BRINP1: variants seen among roughly 807,000 people sequenced by gnomAD.
BRINP1 encodes BMP/retinoic acid inducible neural specific 1, also known as BMP/retinoic acid-inducible neural-specific protein 1.
Under a neutral mutation model 72.9 loss-of-function variants are expected in BRINP1, and 17 were observed. That is an observed-to-expected ratio of 0.23 (90% CI 0.16 to 0.35). The LOEUF is 0.35. Ranked by LOEUF, BRINP1 falls within the 10% of genes least tolerant of loss-of-function variation. The pLI, the probability that BRINP1 is intolerant of heterozygous loss-of-function variation, is 1.00. For synonymous variants in BRINP1, 418 were observed against 378.5 expected, an observed-to-expected ratio of 1.10 and a Z score of -1.21; for missense variants, 850 against 1,001.6, an observed-to-expected ratio of 0.85 and a Z score of 2.04.
At chr9:119,297,876 A>G (rs1242396708) in intron 2 of BRINP1, among the ~76,000 whole-genome samples, 4 of 152,214 alleles carry the variant, frequency 2.6e-5, no homozygotes, top group Non-Finnish European at 5.9e-5. Flanking sequence ...CAGAGAAAGA[A>G]CTTTGTTCTG....
Position 119,307,701 on chromosome 9 carries a change from T to G in BRINP1, c.218+5437A>C, listed in dbSNP as rs529373574. On this transcript the variant is annotated intron_variant, in intron 2 of 7. Transcript: ENST00000265922. The stretch of plus-strand genomic sequence containing the variant: ...AGAAGCAATACGCAAGCTGTCAAAT[T>G]TAAGCAGAGCCCACAATTCCCTGAG... 2.9e-4 allele frequency among the ~76,000 whole-genome samples: 44 copies of G among 152,296 alleles called. No individual in the cohort carries two copies. The South Asian group carries it at 3.1e-3, about 11-fold the overall frequency.
intron 1 of BRINP1, among the ~76,000 whole-genome samples, chr9:119,330,859 C>T (rs1323929143): frequency 1.3e-5 from 2 of 152,006 alleles, no homozygotes; most frequent in African/African-American, 4.8e-5. Context: ...AACCCCATCT[C>T]TACTAAAAAT....
At chr9:119,302,625 C>T (rs141570265) in intron 2 of BRINP1, among the ~76,000 whole-genome samples, 4 of 152,178 alleles carry the variant, frequency 2.6e-5, no homozygotes, top group South Asian at 2.1e-4. Context: ...ATGACCTGAC[C>T]TCACTATTGA....
In BRINP1 at chr9:119,361,645, G is replaced by A. The variant is rs1010993259; in HGVS notation, c.-51+7411C>T. On this transcript the variant is annotated intron_variant, in intron 1 of 7. Coordinates refer to ENST00000265922, the MANE Select transcript of BRINP1 (RefSeq NM_014618.3). ...CTTTTTTTTGTTTTTTTTTCAGACA[G>A]AGCCTCACTCTGTCACCCAGGCTGG... Among the ~76,000 whole-genome samples the A allele has an allele frequency of 4.6e-4, 69 of 151,292 alleles. 1 individual carries two copies. The highest frequency in any genetic ancestry group is 1.8e-4 in the Non-Finnish European group (12 of 67,912).
At chr9:119,349,208 T>C (rs963471000) in intron 1 of BRINP1, among the ~76,000 whole-genome samples, 7 of 152,154 alleles carry the variant, frequency 4.6e-5, no homozygotes, top group African/African-American at 1.4e-4. Flanking sequence ...GTTGGTTCCA[T>C]TGTAAGGGAG....
At chr9:119,244,660 T>C (rs1830295743) in intron 3 of BRINP1, among the ~76,000 whole-genome samples, 1 of 152,218 alleles carries the variant, frequency 6.6e-6, no homozygotes, top group Admixed American at 6.5e-5. Flanking sequence ...CGGTTCCCTC[T>C]GGACTGAGAA....
chr9:119,308,169 G>C (rs1272467058), intron 2 of BRINP1, among the ~76,000 whole-genome samples: 1 of 151,972 alleles, frequency 6.6e-6, no homozygotes, highest in Non-Finnish European at 1.5e-5. Context: ...AAAATAAATG[G>C]GTGTTCTTTT....
At chr9:119,258,852 A>G (rs1830470671) in intron 2 of BRINP1, among the ~76,000 whole-genome samples, 1 of 152,212 alleles carries the variant, frequency 6.6e-6, no homozygotes, top group Non-Finnish European at 1.5e-5. Flanking sequence ...TCACAAGTGG[A>G]GGAAACCAAG....
intron 4 of BRINP1, among the ~76,000 whole-genome samples, chr9:119,240,811 A>T (rs951808015): frequency 6.6e-6 from 1 of 152,202 alleles, no homozygotes; most frequent in Non-Finnish European, 1.5e-5. Context: ...GCAGGGTAAG[A>T]CCCCTTGGCC....
At position 119,167,343 on chromosome 9, in the gene BRINP1, A is replaced by G; in HGVS notation, c.2027T>C (p.Val676Ala). The change falls in exon 8 of 8, where the codon GTC (valine) becomes GCC (alanine). Residue 676 changes from valine to alanine, a missense_variant. Coordinates refer to ENST00000265922, the MANE Select transcript of BRINP1 (RefSeq NM_014618.3). This position sits in a 1 kb window ranked among gnomAD's most constrained non-coding sequence, Gnocchi z 4.3. The stretch of plus-strand genomic sequence containing the variant: ...GCCGCCCTGTGTGTAGGACTGGTTG[A>G]CCTGCTGCACTGCACTGCGCAGGAG... ...ADLLRSAVQQ[V>A]NQSYTQGGQF... is the part of the protein sequence containing the mutation. 3.1e-6 allele frequency: 5 copies of G among 1,614,082 alleles called. No individual in the cohort carries two copies. Among genetic ancestry groups the G allele is most frequent in the Non-Finnish European group, 4.2e-6 (5 of 1,180,012 alleles).
chr9:119,284,958 C>T (rs1019674030), intron 2 of BRINP1, among the ~76,000 whole-genome samples: 2 of 152,074 alleles, frequency 1.3e-5, no homozygotes, highest in South Asian at 4.1e-4. Context: ...ATAGATCAGC[C>T]AAGATTAACT....
intron 5 of BRINP1, among the ~76,000 whole-genome samples, chr9:119,220,285 T>C (rs959037399): frequency 1.3e-5 from 2 of 152,108 alleles, no homozygotes; most frequent in African/African-American, 4.8e-5. Context: ...AAGTTGGATC[T>C]CTGGAGACCT....
At chr9:119,226,988 A>C (rs112733194) in intron 5 of BRINP1, among the ~76,000 whole-genome samples, 1 of 152,038 alleles carries the variant, frequency 6.6e-6, no homozygotes, top group Admixed American at 6.6e-5. Flanking sequence ...TGTGAGCTTC[A>C]ATTTTCAAAT....
intron 7 of BRINP1, among the ~76,000 whole-genome samples, chr9:119,187,500 C>T (rs1829636741): frequency 1.3e-5 from 2 of 151,666 alleles, no homozygotes; most frequent in Non-Finnish European, 2.9e-5. Context: ...ACCAGTGCGC[C>T]CACCCAGAAC....
intron 1 of BRINP1, among the ~76,000 whole-genome samples, chr9:119,315,293 T>G (rs1443644797): frequency 6.6e-6 from 1 of 152,198 alleles, no homozygotes; most frequent in Non-Finnish European, 1.5e-5. Context: ...CTTTGTGTCT[T>G]GGTGTCACAT....
intron 1 of BRINP1, among the ~76,000 whole-genome samples, chr9:119,318,844 G>GGTGTGTGT (rs56756136): frequency 6.0e-4 from 86 of 142,236 alleles, no homozygotes; most frequent in Middle Eastern, 3.6e-3. Flanking sequence ...AAATGTGTGG[G>GGTGTGTGT]GTGTGTGTGT....
chr9:119,309,078 T>G (rs375453550), intron 2 of BRINP1, among the ~76,000 whole-genome samples: 1 of 152,150 alleles, frequency 6.6e-6, no homozygotes, highest in African/African-American at 2.4e-5. Context: ...GAATAATTCC[T>G]AGTAAACAAC....
chr9:119,368,225 A>C lies in BRINP1; in HGVS notation c.-51+831T>G, dbSNP rs1831716272. Among the ~76,000 whole-genome samples the C allele has an allele frequency of 6.6e-6, 1 of 152,014 alleles. No individual in the cohort carries two copies. The highest frequency in any genetic ancestry group is 6.5e-5 in the Admixed American group (1 of 15,270). On this transcript the variant is annotated intron_variant, in intron 1 of 7. Coordinates refer to ENST00000265922, the MANE Select transcript of BRINP1 (RefSeq NM_014618.3). This position sits in a 1 kb window ranked among gnomAD's most constrained non-coding sequence, Gnocchi z 4.7. ...GTAAATCCCTATCCCAGACTTTCCA[A>C]GCCCCAGATAAGGAGCCCACCGCTG...
At chr9:119,179,525 G>A (rs905557203) in intron 7 of BRINP1, among the ~76,000 whole-genome samples, 10 of 152,126 alleles carry the variant, frequency 6.6e-5, no homozygotes, top group African/African-American at 9.7e-5. Context: ...TCTTTCTCAC[G>A]TTTAGGCCTG....
Sources: gnomAD v4.1 joint callset for allele counts (sites outside exome capture counted in the v4.1 genomes callset) on GRCh38, gnomAD v4.1.1 for gene constraint, Gnocchi (gnomAD v3.1) non-coding constraint, MANE v1.5 for transcripts, NCBI Gene and HGNC (gene_info 2026-07-23, HGNC 2026-07-21) for gene names.